Variants in MPRIP observed in about 807,000 individuals in gnomAD.
The protein encoded by MPRIP is myosin phosphatase Rho interacting protein.
A neutral mutation model predicts 234.9 loss-of-function variants in MPRIP; 59 were observed. The ratio of observed to expected loss-of-function variants is 0.25; its 90% confidence interval spans 0.20 to 0.31. The LOEUF is 0.31. Ranked by LOEUF, MPRIP falls within the 10% of genes least tolerant of loss-of-function variation. MPRIP has a pLI of 1.00. For synonymous variants in MPRIP, 1,144 were observed against 1,263.9 expected, an observed-to-expected ratio of 0.91 and a Z score of 2.01; for missense variants, 2,436 against 3,071.0, an observed-to-expected ratio of 0.79 and a Z score of 4.89.
intron 7 of MPRIP, among the ~76,000 whole-genome samples, chr17:17,139,798 TTGACTTCC>T (rs1169639490): frequency 6.6e-6 from 1 of 152,218 alleles, no homozygotes; most frequent in Non-Finnish European, 1.5e-5. Context: ...AAATGACACG[TTGACTTCC>T]TAGGGAAAGG....
At position 17,175,232 on chromosome 17, in the gene MPRIP, G is replaced by C. The variant is rs541546025; in HGVS notation, c.6751-61G>C. 179 of 1,610,776 alleles carry C rather than the reference G, an allele frequency of 1.1e-4. 1 individual carries two copies. The South Asian group carries it at 1.5e-3, about 14-fold the overall frequency. On this transcript the variant is annotated intron_variant, in intron 19 of 23. Coordinates refer to ENST00000651222, the MANE Select transcript of MPRIP (RefSeq NM_001364716.4). ...CCTAGGGAAATGGCCTTCCCGGGTT[G>C]TGTCATGCGACTTGGCCCCAGGCAG...
At chr17:17,141,300 A>G (rs1205438052) in intron 7 of MPRIP, among the ~76,000 whole-genome samples, 1 of 152,102 alleles carries the variant, frequency 6.6e-6, no homozygotes, top group East Asian at 1.9e-4. Context: ...TGCACTTACC[A>G]AGCTTTCCCT....
intron 10 of MPRIP, among the ~76,000 whole-genome samples, chr17:17,146,557 T>C (rs1413207498): frequency 6.6e-6 from 1 of 152,178 alleles, no homozygotes; most frequent in Non-Finnish European, 1.5e-5. Context: ...GTGTTAGCCC[T>C]GGAAGGAGCA....
chr17:17,078,126 T>A lies in MPRIP; in HGVS notation c.267+50T>A. 6.3e-7 allele frequency: 1 copy of A among 1,576,808 alleles called. No homozygotes were observed. Among genetic ancestry groups the A allele is most frequent in the Non-Finnish European group, 8.7e-7 (1 of 1,146,662 alleles). ...CTGTCCCCAGCCTTCACCAAGTCCC[T>A]CCATTACAGTGCCCTTGCGTTGTCA... On this transcript the variant is annotated intron_variant, in intron 3 of 23. Coordinates refer to ENST00000651222, the MANE Select transcript of MPRIP (RefSeq NM_001364716.4). This position sits in a 1 kb window ranked among gnomAD's most constrained non-coding sequence, Gnocchi z 4.3.
At chr17:17,084,864 A>G (rs999597800) in intron 3 of MPRIP, among the ~76,000 whole-genome samples, 1 of 152,250 alleles carries the variant, frequency 6.6e-6, no homozygotes, top group African/African-American at 2.4e-5. Flanking sequence ...ATGAATATAT[A>G]TTCAGAGAGA....
At chr17:17,113,024 T>A (rs777523542) in intron 3 of MPRIP, among the ~76,000 whole-genome samples, 30 of 152,214 alleles carry the variant, frequency 2.0e-4, no homozygotes, top group Non-Finnish European at 3.7e-4. Context: ...CTAGCTCCCA[T>A]GAGCTTTGGG....
intron 14 of MPRIP, among the ~76,000 whole-genome samples, chr17:17,160,861 C>G (rs538589879): frequency 6.6e-6 from 1 of 152,266 alleles, no homozygotes; most frequent in East Asian, 1.9e-4. Context: ...GATGCAAAAC[C>G]CTTGTTCCCC....
At chr17:17,142,488 A>G (rs2045348377) in intron 7 of MPRIP, 139 bp from the exon 8 acceptor site, 1 of 947,444 alleles carries the variant, frequency 1.1e-6, no homozygotes, top group East Asian at 2.5e-5. Flanking sequence ...TCAGCTGAGC[A>G]CGTGTCTAGA....
rs575369182 is a variant in MPRIP at position 17,103,201 on chromosome 17, T to C, written c.268-23501T>C. On this transcript the variant is annotated intron_variant, in intron 3 of 23. Transcript: ENST00000651222. ...ACTTCCACTCTGGCCATGGGGTCTT[T>C]GTAAGATGAGGAGGTTATGTCAGAT... Among the ~76,000 whole-genome samples, 9 of 152,288 alleles carry C rather than the reference T, an allele frequency of 5.9e-5. No individual in the cohort carries two copies. The South Asian group carries it at 1.9e-3, about 32-fold the overall frequency.
intron 1 of MPRIP, among the ~76,000 whole-genome samples, chr17:17,055,049 CAAA>C (rs74955320): frequency 8.0e-6 from 1 of 125,772 alleles, no homozygotes; most frequent in Admixed American, 8.1e-5. Flanking sequence ...GACCCTGTAT[CAAA>C]AAAAAAAAAA....
chr17:17,155,253 GTTC>G (rs959505290), intron 13 of MPRIP, among the ~76,000 whole-genome samples: 1 of 149,726 alleles, frequency 6.7e-6, no homozygotes, highest in East Asian at 2.0e-4. Flanking sequence ...CTAAAAGCGT[GTTC>G]TTTTTTTTTT....
At chr17:17,156,181 C>G (rs376144054) in intron 13 of MPRIP, among the ~76,000 whole-genome samples, 38 of 152,336 alleles carry the variant, frequency 2.5e-4, no homozygotes, top group African/African-American at 9.1e-4. Flanking sequence ...GGGCAGATGT[C>G]AGGAATGCAC....
intron 3 of MPRIP, among the ~76,000 whole-genome samples, chr17:17,126,165 C>T (rs993834434): frequency 5.9e-5 from 9 of 152,182 alleles, no homozygotes; most frequent in Admixed American, 4.6e-4. Flanking sequence ...GTGTGGCAGC[C>T]TTTGCTGGGC....
intron 4 of MPRIP, among the ~76,000 whole-genome samples, chr17:17,127,275 CGT>C (rs1424325137): frequency 6.6e-6 from 1 of 152,226 alleles, no homozygotes; most frequent in African/African-American, 2.4e-5. Flanking sequence ...GCTGTGTCCA[CGT>C]GTGTCTCTGT....
chr17:17,156,150 A>T (rs2045724064), intron 13 of MPRIP, among the ~76,000 whole-genome samples: 1 of 152,212 alleles, frequency 6.6e-6, no homozygotes, highest in Non-Finnish European at 1.5e-5. Context: ...GTCTGGAAGA[A>T]GTCAGCTTTG....
chr17:17,184,707 C>A, intron 23 of MPRIP, 116 bp from the exon 24 acceptor site: 1 of 708,728 alleles, frequency 1.4e-6, no homozygotes, highest in Non-Finnish European at 2.6e-6. Flanking sequence ...ACCGCACCTG[C>A]ACCCGGCTCT....
chr17:17,140,685 A>T (rs1335899046), intron 7 of MPRIP, among the ~76,000 whole-genome samples: 1 of 152,202 alleles, frequency 6.6e-6, no homozygotes, highest in African/African-American at 2.4e-5. Flanking sequence ...AGCCTATCTG[A>T]ACCTGACCGG....
chr17:17,096,839 G>A, intron 3 of MPRIP: 3 of 470,942 alleles, frequency 6.4e-6, no homozygotes, highest in Non-Finnish European at 1.3e-5. Flanking sequence ...ACCCATTGCT[G>A]CCTTGCTGTG....
chr17:17,188,107 A>G lies in MPRIP; in HGVS notation c.*3213A>G, dbSNP rs2046512167. ...TGCTGGTCAGTTTCTTTATCCACCC[A>G]TGGTGCCCCAGCCCCAGGCAGGTGT... On this transcript the variant is annotated 3_prime_UTR_variant, in exon 24 of 24. Transcript: ENST00000651222. The G allele has an allele frequency of 6.6e-6, 1 of 152,176 alleles. No homozygotes were observed. The highest frequency in any genetic ancestry group is 2.4e-5 in the African/African-American group (1 of 41,440). 9.4% of individuals were successfully genotyped at this position (152,176 alleles called of 1,614,324 possible). A position where few individuals can be genotyped will look rare whatever the true frequency, so the allele number is the denominator to read the frequency against.
Sources: gnomAD v4.1 joint callset for allele counts (sites outside exome capture counted in the v4.1 genomes callset) on GRCh38, gnomAD v4.1.1 for gene constraint, Gnocchi (gnomAD v3.1) non-coding constraint, MANE v1.5 for transcripts, NCBI Gene and HGNC (gene_info 2026-07-23, HGNC 2026-07-21) for gene names.